Variants in PMFBP1 observed in about 807,000 individuals in gnomAD.
PMFBP1 encodes polyamine-modulated factor 1-binding protein 1.
Under a neutral mutation model 137.8 loss-of-function variants are expected in PMFBP1, and 131 were observed. The observed-to-expected ratio is 0.95, with a 90% CI of 0.82 to 1.10. The LOEUF is 1.10. Among genes scored for constraint, PMFBP1 ranks in the 50% least tolerant of loss-of-function variants. PMFBP1 has a pLI of 0.00. For missense variants in PMFBP1, 1,199 were observed against 1,175.4 expected (o/e 1.02, Z -0.29); for synonymous variants, 490 against 450.4 (o/e 1.09, Z -1.11).
At chr16:72,132,258 T>C (rs537857877) in intron 10 of PMFBP1, among the ~76,000 whole-genome samples, 13 of 152,280 alleles carry the variant, frequency 8.5e-5, no homozygotes, top group African/African-American at 3.1e-4. Context: ...AGAAACCCTG[T>C]ACCCAAGGAA....
intron 3 of PMFBP1, 47 bp from the exon 4 acceptor site, chr16:72,154,506 A>G (rs765625143): frequency 6.3e-7 from 1 of 1,582,810 alleles, no homozygotes; most frequent in South Asian, 1.2e-5. Flanking sequence ...ATCATCACTA[A>G]GGACGTATTC....
upstream of PMFBP1, among the ~76,000 whole-genome samples, chr16:72,176,429 T>C (rs1236742622): frequency 2.0e-5 from 3 of 152,252 alleles, no homozygotes; most frequent in Admixed American, 6.5e-5. Context: ...CATGCACTCA[T>C]CTAAAAGACT....
the PMFBP1 span, among the ~76,000 whole-genome samples, chr16:72,221,471 AT>A: frequency 6.6e-6 from 1 of 152,186 alleles, no homozygotes; most frequent in Admixed American, 6.5e-5. Context: ...TGGAGATTAG[AT>A]TAGGAATGTC....
At chr16:72,232,649 T>C in the PMFBP1 span, among the ~76,000 whole-genome samples, 1 of 152,170 alleles carries the variant, frequency 6.6e-6, no homozygotes, top group Non-Finnish European at 1.5e-5. Context: ...GTAGTAACTT[T>C]AGAAATAAGG....
chr16:72,118,500 C>T (rs1414301234), downstream of PMFBP1, among the ~76,000 whole-genome samples: 1 of 152,188 alleles, frequency 6.6e-6, no homozygotes, highest in Admixed American at 6.5e-5. Flanking sequence ...TTTCTTCCTT[C>T]ACTTTTACTG....
chr16:72,145,881 A>C (rs1186578932), intron 5 of PMFBP1, among the ~76,000 whole-genome samples: 1 of 152,224 alleles, frequency 6.6e-6, no homozygotes, highest in Non-Finnish European at 1.5e-5. Flanking sequence ...AATTGAGGCA[A>C]TAATTAATAG....
At chr16:72,149,658 A>G (rs2042870744) in intron 5 of PMFBP1, among the ~76,000 whole-genome samples, 1 of 152,168 alleles carries the variant, frequency 6.6e-6, no homozygotes, top group African/African-American at 2.4e-5. Context: ...CCATGTCTCT[A>G]CTAAAAACAC....
the PMFBP1 span, among the ~76,000 whole-genome samples, chr16:72,199,397 T>C: frequency 6.6e-6 from 1 of 152,194 alleles, no homozygotes; most frequent in Non-Finnish European, 1.5e-5. Context: ...CTCATGCCTG[T>C]AATCCCAGTA....
At chr16:72,162,282 G>A (rs1234058462) in intron 3 of PMFBP1, among the ~76,000 whole-genome samples, 2 of 152,202 alleles carry the variant, frequency 1.3e-5, no homozygotes, top group African/African-American at 4.8e-5. Flanking sequence ...TTGCACCTTA[G>A]CCACCTCATT....
chr16:72,213,387 C>T, the PMFBP1 span, among the ~76,000 whole-genome samples: 11 of 152,198 alleles, frequency 7.2e-5, no homozygotes, highest in African/African-American at 2.7e-4. Flanking sequence ...AAGACTCTGG[C>T]TTCCATCCTG....
At chr16:72,197,146 AAAG>A in the PMFBP1 span, among the ~76,000 whole-genome samples, 4 of 152,338 alleles carry the variant, frequency 2.6e-5, no homozygotes, top group African/African-American at 7.2e-5. Context: ...CCACAATGCA[AAAG>A]AAGATCATGG....
chr16:72,238,826 C>A, the PMFBP1 span, among the ~76,000 whole-genome samples: 17 of 152,082 alleles, frequency 1.1e-4, no homozygotes, highest in African/African-American at 4.1e-4. Context: ...CCCCATGGAG[C>A]AATGTCTAGA....
chr16:72,181,146 G>A (rs2144547923), upstream of PMFBP1, among the ~76,000 whole-genome samples: 1 of 151,932 alleles, frequency 6.6e-6, no homozygotes, highest in Non-Finnish European at 1.5e-5. Context: ...GGCTGAGGCA[G>A]GAGAATCGCT....
chr16:72,224,130 G>A, the PMFBP1 span, among the ~76,000 whole-genome samples: 1 of 152,154 alleles, frequency 6.6e-6, no homozygotes, highest in South Asian at 2.1e-4. Flanking sequence ...GCTGCTGATG[G>A]CAACACTTGA....
At chr16:72,219,025 A>G in the PMFBP1 span, among the ~76,000 whole-genome samples, 2 of 152,226 alleles carry the variant, frequency 1.3e-5, no homozygotes, top group Non-Finnish European at 2.9e-5. Flanking sequence ...AAGTAAAAAT[A>G]TCAATTTATG....
the PMFBP1 span, among the ~76,000 whole-genome samples, chr16:72,210,341 A>G: frequency 6.6e-6 from 1 of 152,236 alleles, no homozygotes; most frequent in South Asian, 2.1e-4. Flanking sequence ...CTTGAAGTGA[A>G]CAAGTTGGCA....
At chr16:72,195,424 C>T in the PMFBP1 span, among the ~76,000 whole-genome samples, 2,374 of 152,248 alleles carry the variant, frequency 0.016, 37 homozygotes, top group Middle Eastern at 0.051. Flanking sequence ...TCTTGCACTT[C>T]TAACACCATC....
chr16:72,130,791 C>A, intron 10 of PMFBP1, 69 bp from the exon 11 acceptor site: 1 of 1,434,012 alleles, frequency 7.0e-7, no homozygotes, highest in Non-Finnish European at 9.3e-7. Flanking sequence ...ATCAGCCTGG[C>A]TGAAGAGTTT....
the PMFBP1 span, among the ~76,000 whole-genome samples, chr16:72,219,424 A>T: frequency 6.6e-6 from 1 of 152,302 alleles, no homozygotes; most frequent in South Asian, 2.1e-4. Context: ...AGAGGCACCC[A>T]GGAGCGCGTG....
Sources: allele counts gnomAD v4.1 joint callset (sites outside exome capture counted in the v4.1 genomes callset), GRCh38; gene constraint gnomAD v4.1.1; transcripts MANE v1.5; gene names NCBI Gene and HGNC (gene_info 2026-07-23, HGNC 2026-07-21).